The following TRPC4 variants were observed in gnomAD, a reference collection of about 807,000 sequenced individuals.
The protein encoded by TRPC4 is transient receptor potential cation channel subfamily C member 4.
In TRPC4, 49 loss-of-function variants were observed where a neutral mutation model predicts 99.4. The ratio of observed to expected loss-of-function variants is 0.49; its 90% CI spans 0.39 to 0.63. The LOEUF (loss-of-function observed/expected upper bound fraction) is 0.63. TRPC4 is among the 20% of genes least tolerant of loss of function. TRPC4 has a pLI of 0.00. For synonymous variants in TRPC4, 454 were observed against 425.9 expected, an observed-to-expected ratio of 1.07 and a Z score of -0.81; for missense variants, 898 against 1,152.9, an observed-to-expected ratio of 0.78 and a Z score of 3.20.
intron 1 of TRPC4, among the ~76,000 whole-genome samples, chr13:37,796,190 G>A (rs1157038171): frequency 6.6e-6 from 1 of 151,952 alleles, no homozygotes; most frequent in African/African-American, 2.4e-5. Flanking sequence ...TTAACTTCAG[G>A]CACCTGTAAC....
intron 5 of TRPC4, among the ~76,000 whole-genome samples, chr13:37,671,556 A>G (rs8001743): frequency 0.47 from 70,900 of 151,340 alleles, 17,274 homozygotes; most frequent in East Asian, 0.74. Context: ...AGTACATGAG[A>G]AAGAAAGCAA....
At chr13:37,757,554 T>TAAA (rs1321130654) in intron 2 of TRPC4, among the ~76,000 whole-genome samples, 1 of 152,034 alleles carries the variant, frequency 6.6e-6, no homozygotes, top group Non-Finnish European at 1.5e-5. Context: ...TTGAAATTTT[T>TAAA]AAAAAATTAC....
intron 4 of TRPC4, among the ~76,000 whole-genome samples, chr13:37,674,711 T>C (rs1416486198): frequency 6.6e-6 from 1 of 152,184 alleles, no homozygotes; most frequent in Non-Finnish European, 1.5e-5. Context: ...TCTTGACATA[T>C]ATTTTTCTCC....
intron 4 of TRPC4, among the ~76,000 whole-genome samples, chr13:37,674,710 A>G (rs1008912939): frequency 1.3e-5 from 2 of 152,164 alleles, no homozygotes; most frequent in African/African-American, 2.4e-5. Flanking sequence ...GTCTTGACAT[A>G]TATTTTTCTC....
intron 2 of TRPC4, among the ~76,000 whole-genome samples, chr13:37,764,599 A>T (rs1472605962): frequency 6.6e-6 from 1 of 151,380 alleles, no homozygotes; most frequent in Non-Finnish European, 1.5e-5. Context: ...AGAGTTGCAT[A>T]AAAAGTAATA....
chr13:37,741,909 C>T (rs1023377085), intron 3 of TRPC4, among the ~76,000 whole-genome samples: 1 of 143,624 alleles, frequency 7.0e-6, no homozygotes, highest in Non-Finnish European at 1.5e-5. Context: ...CATTATATAA[C>T]CCTCTGTGAC....
At chr13:37,849,144 C>T (rs547482084) in intron 1 of TRPC4, among the ~76,000 whole-genome samples, 101 of 152,230 alleles carry the variant, frequency 6.6e-4, no homozygotes, top group Admixed American at 4.6e-3. Context: ...TGGAGGCTCA[C>T]GCCCTTCATA....
At chr13:37,741,052 GA>G (rs1207703161) in intron 3 of TRPC4, among the ~76,000 whole-genome samples, 1 of 152,116 alleles carries the variant, frequency 6.6e-6, no homozygotes. Flanking sequence ...TAAATATATT[GA>G]AAAGCTATAG....
At chr13:37,822,266 T>C (rs1246649185) in intron 1 of TRPC4, among the ~76,000 whole-genome samples, 1 of 140,084 alleles carries the variant, frequency 7.1e-6, no homozygotes, top group Non-Finnish European at 1.6e-5. Flanking sequence ...CTCAAATTAA[T>C]CAGAATGGTT....
chr13:37,799,197 G>A (rs1302004261), intron 1 of TRPC4, among the ~76,000 whole-genome samples: 1 of 152,114 alleles, frequency 6.6e-6, no homozygotes, highest in Non-Finnish European at 1.5e-5. Context: ...GCCTCCCAAA[G>A]TGCTGGGATT....
chr13:37,711,960 C>A (rs1954500040), intron 3 of TRPC4, among the ~76,000 whole-genome samples: 1 of 151,358 alleles, frequency 6.6e-6, no homozygotes, highest in South Asian at 2.1e-4. Flanking sequence ...ATTTTGCATT[C>A]TTTTCCTTTC....
At chr13:37,863,570 T>A (rs1959540026) in intron 1 of TRPC4, among the ~76,000 whole-genome samples, 1 of 151,574 alleles carries the variant, frequency 6.6e-6, no homozygotes, top group Admixed American at 6.6e-5. Context: ...GAGCATTCAT[T>A]TAAAGTGTGA....
At chr13:37,668,049 C>T (rs1261503451) in intron 5 of TRPC4, among the ~76,000 whole-genome samples, 1 of 152,164 alleles carries the variant, frequency 6.6e-6, no homozygotes, top group Non-Finnish European at 1.5e-5. Context: ...TAATCCTTTA[C>T]CCCGACTGCA....
chr13:37,688,857 G>A (rs1282528875), intron 4 of TRPC4, among the ~76,000 whole-genome samples: 3 of 151,916 alleles, frequency 2.0e-5, no homozygotes, highest in Admixed American at 2.0e-4. Flanking sequence ...CATCATTTCC[G>A]TAAGTCATTC....
chr13:37,684,278 A>G (rs1953375452), intron 4 of TRPC4, among the ~76,000 whole-genome samples: 2 of 152,224 alleles, frequency 1.3e-5, no homozygotes, highest in Non-Finnish European at 2.9e-5. Context: ...GCATCTAAAA[A>G]TGCTTAAACC....
In TRPC4 at chr13:37,746,129, A is replaced by C; in HGVS notation, c.705T>G (p.Asn235Lys). ...WELQELSKVE[N>K]EFKSEYEELS... is the part of the protein sequence containing the mutation. ...GCTCTTCATACTCCGACTTGAATTC[A>C]TTTTCCACCTTGCTCAGTTCCTGAA... Residue 235 changes from asparagine to lysine, a missense_variant, in exon 3 of 11, where the codon AAT (asparagine) becomes AAG (lysine). Around this residue, in one of 3 missense-constraint regions of TRPC4, gnomAD observed 278 missense variants for 346.6 expected, o/e 0.80. Coordinates refer to ENST00000379705, the MANE Select transcript of TRPC4 (RefSeq NM_016179.4). The C allele has an allele frequency of 6.2e-7, 1 of 1,613,828 alleles. No homozygotes were observed. The highest frequency in any genetic ancestry group is 8.5e-7 in the Non-Finnish European group (1 of 1,179,884).
intron 7 of TRPC4, among the ~76,000 whole-genome samples, chr13:37,652,927 G>A (rs549881493): frequency 6.6e-6 from 1 of 152,170 alleles, no homozygotes; most frequent in African/African-American, 2.4e-5. Context: ...AAAATCTGGA[G>A]ATAAAAAGCT....
At chr13:37,777,655 T>A (rs73170403) in intron 2 of TRPC4, among the ~76,000 whole-genome samples, 4,731 of 152,102 alleles carry the variant, frequency 0.031, 90 homozygotes, top group African/African-American at 0.039. Flanking sequence ...TTTCACATAT[T>A]TGTGTTATTT....
chr13:37,654,988 T>C, intron 7 of TRPC4, 100 bp downstream of exon 7: 8 of 972,278 alleles, frequency 8.2e-6, no homozygotes, highest in East Asian at 6.2e-5. Context: ...AATCAATAGC[T>C]AATTATAGAT....
Sources: allele counts gnomAD v4.1 joint callset (sites outside exome capture counted in the v4.1 genomes callset), GRCh38; gene constraint gnomAD v4.1.1; regional missense constraint gnomAD v4.1.1; transcripts MANE v1.5; gene names NCBI Gene and HGNC (gene_info 2026-07-23, HGNC 2026-07-21).